Variants in HIRA observed in about 807,000 individuals in gnomAD.
HIRA encodes the protein protein HIRA.
In HIRA, 13 loss-of-function variants were observed where a neutral mutation model predicts 126.6. The ratio of observed to expected loss-of-function variants is 0.10; its 90% CI spans 0.07 to 0.16. The LOEUF (loss-of-function observed/expected upper bound fraction) is 0.16, where lower values mean the gene tolerates loss of function less well. Among genes scored for constraint, HIRA ranks in the 10% least tolerant of loss-of-function variants. The probability of loss-of-function intolerance (pLI) is 1.00; values close to 1 mark genes in which losing one functional copy is unlikely to be tolerated. For missense variants in HIRA, 834 were observed against 1,314.4 expected (o/e 0.63, Z 5.65); for synonymous variants, 511 against 520.0 (o/e 0.98, Z 0.24).
chr22:19,362,070 A>C (rs1176036475), intron 15 of HIRA, 139 bp from the exon 16 acceptor site: 10 of 724,496 alleles, frequency 1.4e-5, no homozygotes, highest in Non-Finnish European at 2.2e-5. Context: ...CTCAAAAGTA[A>C]AGGAGAAATA....
At chr22:19,335,942 G>A (rs782096871) in intron 24 of HIRA, among the ~76,000 whole-genome samples, 14 of 152,172 alleles carry the variant, frequency 9.2e-5, no homozygotes, top group Non-Finnish European at 8.8e-5. Context: ...GTCTTTTACT[G>A]TACTGCACTT....
intron 23 of HIRA, 142 bp downstream of exon 23, chr22:19,353,214 G>A (rs2088775848): frequency 1.0e-6 from 1 of 980,834 alleles, no homozygotes; most frequent in African/African-American, 1.6e-5. Context: ...TGCCTGCTGA[G>A]CTGCCTTGAC....
Position 19,375,614 on chromosome 22 carries a change from C to CAGG in HIRA, c.1775+16_1775+17insCCT. ...GCACCCTGCCTGGTCCTTCAGGGTC[C>CAGG]TGCAGCTACCACCTACCTTTCCACA... On this transcript the variant is annotated intron_variant, in intron 15 of 24. Transcript: ENST00000263208. 6.2e-7 allele frequency: 1 copy of CAGG among 1,613,514 alleles called. No homozygotes were observed. Among genetic ancestry groups the CAGG allele is most frequent in the Non-Finnish European group, 8.5e-7 (1 of 1,179,564 alleles).
chr22:19,341,308 G>A (rs1386617074), intron 24 of HIRA, among the ~76,000 whole-genome samples: 2 of 151,944 alleles, frequency 1.3e-5, no homozygotes, highest in African/African-American at 2.4e-5. Context: ...AAAATTAGCC[G>A]GGTGTGCTGG....
intron 18 of HIRA, 91 bp from the exon 19 acceptor site, chr22:19,357,142 G>C: frequency 2.0e-6 from 3 of 1,464,212 alleles, no homozygotes; most frequent in Non-Finnish European, 1.9e-6. Context: ...CCTCTGCCTG[G>C]GCCCAACAAG....
At chr22:19,426,234 G>C (rs370944216) in intron 1 of HIRA, among the ~76,000 whole-genome samples, 1 of 152,060 alleles carries the variant, frequency 6.6e-6, no homozygotes, top group African/African-American at 2.4e-5. Flanking sequence ...TAAGACACAG[G>C]TTGGGTGTTT....
At chr22:19,349,383 A>G (rs2088729395) in intron 24 of HIRA, among the ~76,000 whole-genome samples, 1 of 152,202 alleles carries the variant, frequency 6.6e-6, no homozygotes. Flanking sequence ...GATTACAGGC[A>G]TGAGCCACTG....
At position 19,351,618 on chromosome 22, in the gene HIRA, G is replaced by T. The variant is rs529148965; in HGVS notation, c.2849-172C>A. Reference sequence around the variant, plus strand: ...AAGACGCCCCTGCATGTCTCTCAGCGGGGGGCACTGAGACCCATAATCACA... The same window carrying T: ...AAGACGCCCCTGCATGTCTCTCAGCTGGGGGCACTGAGACCCATAATCACA... On this transcript the variant is annotated intron_variant, in intron 23 of 24. Transcript: ENST00000263208. The surrounding 1 kb of genome is among the most constrained non-coding windows in gnomAD (Gnocchi z 4.8). 6.6e-6 allele frequency among the ~76,000 whole-genome samples: 1 copy of T among 152,202 alleles called. No homozygotes were observed. The highest frequency in any genetic ancestry group is 2.4e-5 in the African/African-American group (1 of 41,528).
chr22:19,431,720 G>T lies in HIRA; in HGVS notation c.-244C>A. 2.9e-6 allele frequency: 1 copy of T among 348,532 alleles called. No individual in the cohort carries two copies. Among genetic ancestry groups the T allele is most frequent in the Non-Finnish European group, 4.9e-6 (1 of 202,372 alleles). 21.6% of individuals were successfully genotyped at this position (348,532 alleles called of 1,614,324 possible). On this transcript the variant is annotated 5_prime_UTR_variant, in exon 1 of 25. Transcript: ENST00000263208. ...TCCCCTGCGCCGCTCCTCCTCAGGCGGCTCCCGGGCAACGCCGGAAGTCAC... is the reference window on the plus strand; with the variant it reads ...TCCCCTGCGCCGCTCCTCCTCAGGCTGCTCCCGGGCAACGCCGGAAGTCAC...
chr22:19,414,294 T>C (rs951858599), intron 1 of HIRA, among the ~76,000 whole-genome samples: 1 of 152,214 alleles, frequency 6.6e-6, no homozygotes, highest in South Asian at 2.1e-4. Flanking sequence ...GCTGGGATTA[T>C]GACAGGGCAT....
intron 24 of HIRA, among the ~76,000 whole-genome samples, chr22:19,338,586 T>G (rs1440034609): frequency 2.0e-5 from 3 of 152,086 alleles, no homozygotes; most frequent in South Asian, 2.1e-4. Context: ...CTAACACATA[T>G]GGACTCACAT....
chr22:19,377,025 C>T (rs185180390), intron 14 of HIRA, among the ~76,000 whole-genome samples: 7 of 152,350 alleles, frequency 4.6e-5, no homozygotes, highest in Admixed American at 4.6e-4. Flanking sequence ...TTGGCCTTCT[C>T]CCTCTTCTTG....
chr22:19,353,968 C>G (rs368338032), intron 22 of HIRA, 28 bp downstream of exon 22: 18 of 1,610,432 alleles, frequency 1.1e-5, no homozygotes, highest in East Asian at 8.9e-5. Flanking sequence ...GGACTAAGGA[C>G]AGTGGCCATG....
At chr22:19,396,696 G>T in intron 7 of HIRA, 91 bp downstream of exon 7, 1 of 1,380,088 alleles carries the variant, frequency 7.2e-7, no homozygotes, top group Non-Finnish European at 1.0e-6. Flanking sequence ...CAGGTGGCCT[G>T]GCCCATGGCC....
At chr22:19,372,059 C>CT (rs529704189) in intron 15 of HIRA, among the ~76,000 whole-genome samples, 2 of 152,268 alleles carry the variant, frequency 1.3e-5, no homozygotes, top group South Asian at 4.1e-4. Context: ...TCCAAAGGTG[C>CT]TAAAAGACTT....
intron 15 of HIRA, among the ~76,000 whole-genome samples, chr22:19,366,688 A>G (rs2088916406): frequency 3.9e-5 from 6 of 152,254 alleles, no homozygotes; most frequent in Admixed American, 3.9e-4. Flanking sequence ...GTTAGGGAAG[A>G]GCAAAGAAAG....
At chr22:19,362,811 T>C (rs372058554) in intron 15 of HIRA, among the ~76,000 whole-genome samples, 2 of 151,854 alleles carry the variant, frequency 1.3e-5, no homozygotes, top group South Asian at 2.1e-4. Context: ...CCTACCCGCC[T>C]CAGCCTCCCA....
chr22:19,385,435 C>T (rs2089117713), intron 12 of HIRA, 86 bp downstream of exon 12: 7 of 1,332,122 alleles, frequency 5.3e-6, no homozygotes, highest in Non-Finnish European at 7.4e-6. Flanking sequence ...TAAACAAACC[C>T]CTTCCTTACC....
intron 14 of HIRA, among the ~76,000 whole-genome samples, chr22:19,376,347 A>G (rs532426060): frequency 1.3e-5 from 2 of 152,264 alleles, no homozygotes; most frequent in Admixed American, 1.3e-4. Flanking sequence ...TTCCACAGAG[A>G]AAGGAGAGGC....
Sources: allele counts gnomAD v4.1 joint callset (sites outside exome capture counted in the v4.1 genomes callset), GRCh38; gene constraint gnomAD v4.1.1; non-coding constraint Gnocchi (gnomAD v3.1); transcripts MANE v1.5; gene names NCBI Gene and HGNC (gene_info 2026-07-23, HGNC 2026-07-21).